The following STXBP6 variants were observed in gnomAD, a reference collection of about 807,000 sequenced individuals.
STXBP6 encodes syntaxin-binding protein 6.
In STXBP6, 21 loss-of-function variants were observed where a neutral mutation model predicts 26.9. The ratio of observed to expected loss-of-function variants is 0.78; its 90% CI spans 0.55 to 1.12. STXBP6 has a LOEUF of 1.12. Ranked by LOEUF, STXBP6 falls within the 50% of genes most tolerant of loss-of-function variation. STXBP6 has a pLI of 0.00. For missense variants in STXBP6, 232 were observed against 257.9 expected (o/e 0.90, Z 0.69); for synonymous variants, 97 against 92.6 (o/e 1.05, Z -0.27).
intron 2 of STXBP6, among the ~76,000 whole-genome samples, chr14:24,883,196 T>A (rs2139448621): frequency 6.6e-6 from 1 of 152,332 alleles, no homozygotes; most frequent in Non-Finnish European, 1.5e-5. Flanking sequence ...TTCCTCTGAG[T>A]GTTTACTTCT....
chr14:24,915,870 AAAAAAC>A (rs2071748329), intron 2 of STXBP6, among the ~76,000 whole-genome samples: 2 of 152,194 alleles, frequency 1.3e-5, no homozygotes, highest in Admixed American at 6.5e-5. Context: ...ATGATTATTT[AAAAAAC>A]AAGACAATTC....
intron 4 of STXBP6, among the ~76,000 whole-genome samples, chr14:24,820,311 T>C (rs1402589533): frequency 6.6e-6 from 1 of 152,200 alleles, no homozygotes; most frequent in African/African-American, 2.4e-5. Flanking sequence ...TAATTTCTCC[T>C]CTGTGGGCAC....
At position 24,995,700 on chromosome 14, in the gene STXBP6, C is replaced by T. The variant is rs536491119; in HGVS notation, c.-32-20850G>A. Among the ~76,000 whole-genome samples, 45 of 152,260 alleles carry T rather than the reference C, an allele frequency of 3.0e-4. 3 individuals carry two copies. In the South Asian group the frequency reaches 8.7e-3, roughly 29 times the overall value. ...AATAAACTTCTTGGAAATAAAACTT[C>T]TATCTCTGGGATTCATTCATGGGCC... is the stretch of plus-strand genomic sequence containing the variant. On this transcript the variant is annotated intron_variant, in intron 1 of 5. Coordinates refer to ENST00000323944, the MANE Select transcript of STXBP6 (RefSeq NM_001394410.1).
intron 2 of STXBP6, among the ~76,000 whole-genome samples, chr14:24,908,122 T>C (rs931639838): frequency 6.6e-6 from 1 of 152,214 alleles, no homozygotes; most frequent in Non-Finnish European, 1.5e-5. Context: ...TCTTTGCTAA[T>C]CCACACCTCC....
At chr14:24,812,850 T>C in intron 5 of STXBP6, 118 bp from the exon 6 acceptor site, 1 of 963,026 alleles carries the variant, frequency 1.0e-6, no homozygotes, top group Admixed American at 1.9e-5. Flanking sequence ...GATTCTACTC[T>C]CTGTGGCAGA....
chr14:24,832,588 G>A (rs1285723245), intron 4 of STXBP6, among the ~76,000 whole-genome samples: 1 of 152,100 alleles, frequency 6.6e-6, no homozygotes, highest in Admixed American at 6.5e-5. Context: ...GGTTACTAAT[G>A]AATTCCTGTG....
At chr14:25,013,042 C>G (rs756403171) in intron 1 of STXBP6, among the ~76,000 whole-genome samples, 5 of 152,208 alleles carry the variant, frequency 3.3e-5, no homozygotes, top group Admixed American at 3.3e-4. Context: ...CAGTGAGCTA[C>G]GATAGTTGCA....
chr14:24,915,647 T>TG (rs749775119), intron 2 of STXBP6, among the ~76,000 whole-genome samples: 15 of 152,118 alleles, frequency 9.9e-5, no homozygotes, highest in African/African-American at 1.4e-4. Context: ...CTTCGTCTCC[T>TG]TTTTCTATCC....
chr14:24,990,938 G>C (rs1195933280), intron 1 of STXBP6, among the ~76,000 whole-genome samples: 1 of 151,124 alleles, frequency 6.6e-6, no homozygotes, highest in Non-Finnish European at 1.5e-5. Context: ...GAGAGCAGAG[G>C]AGGAGAGAGC....
chr14:24,947,723 G>C (rs1326017802), intron 2 of STXBP6, among the ~76,000 whole-genome samples: 1 of 152,098 alleles, frequency 6.6e-6, no homozygotes, highest in Non-Finnish European at 1.5e-5. Flanking sequence ...TAATATTATA[G>C]CTAAAGTTTA....
intron 2 of STXBP6, among the ~76,000 whole-genome samples, chr14:24,865,509 T>G (rs1490400688): frequency 6.6e-6 from 1 of 152,166 alleles, no homozygotes. Context: ...GATTTGCCTA[T>G]GACAATTCAG....
intron 2 of STXBP6, among the ~76,000 whole-genome samples, chr14:24,880,621 A>G (rs994512635): frequency 4.6e-5 from 7 of 152,202 alleles, no homozygotes; most frequent in African/African-American, 1.7e-4. Flanking sequence ...TTGAAAATGA[A>G]AGGTAAAGGG....
intron 2 of STXBP6, among the ~76,000 whole-genome samples, chr14:24,858,229 C>T (rs917234766): frequency 2.0e-5 from 3 of 152,080 alleles, no homozygotes; most frequent in Non-Finnish European, 2.9e-5. Flanking sequence ...ACTCCAATCA[C>T]AGTTGGTGAG....
At chr14:24,947,884 A>C (rs924077141) in intron 2 of STXBP6, among the ~76,000 whole-genome samples, 2 of 152,198 alleles carry the variant, frequency 1.3e-5, no homozygotes, top group Non-Finnish European at 2.9e-5. Context: ...CTAAAGTATC[A>C]TCTTGTTATA....
chr14:24,979,180 G>T (rs1217433949), intron 1 of STXBP6, among the ~76,000 whole-genome samples: 3 of 152,222 alleles, frequency 2.0e-5, no homozygotes, highest in Non-Finnish European at 2.9e-5. Flanking sequence ...TAACTCCTCT[G>T]TTCTGATCCC....
intron 1 of STXBP6, among the ~76,000 whole-genome samples, chr14:25,015,592 G>A (rs940913663): frequency 5.9e-5 from 9 of 151,906 alleles, no homozygotes; most frequent in South Asian, 2.1e-4. Flanking sequence ...TCAGAATCCC[G>A]GAGCAAGTTT....
intron 2 of STXBP6, among the ~76,000 whole-genome samples, chr14:24,935,284 A>G (rs1278862869): frequency 6.6e-6 from 1 of 152,332 alleles, no homozygotes; most frequent in Non-Finnish European, 1.5e-5. Context: ...TTTATAATAT[A>G]GGAATCTCCA....
chr14:24,818,316 G>T (rs1227659141), intron 5 of STXBP6, among the ~76,000 whole-genome samples: 1 of 152,154 alleles, frequency 6.6e-6, no homozygotes, highest in African/African-American at 2.4e-5. Flanking sequence ...GCCTTAGATA[G>T]CTGGCTGCCA....
At chr14:24,858,261 G>A (rs1184343889) in intron 2 of STXBP6, among the ~76,000 whole-genome samples, 4 of 152,018 alleles carry the variant, frequency 2.6e-5, no homozygotes, top group Admixed American at 1.3e-4. Flanking sequence ...TACAGTTCAC[G>A]CATTCCATAG....
Sources: gnomAD v4.1 joint callset for allele counts (sites outside exome capture counted in the v4.1 genomes callset) on GRCh38, gnomAD v4.1.1 for gene constraint, MANE v1.5 for transcripts, NCBI Gene and HGNC (gene_info 2026-07-23, HGNC 2026-07-21) for gene names.